Variants in HOOK2 observed in about 807,000 individuals in gnomAD.
HOOK2 encodes protein Hook homolog 2.
In HOOK2, 108 loss-of-function variants were observed where a neutral mutation model predicts 111.9. The observed-to-expected ratio is 0.96, with a 90% CI of 0.83 to 1.13. The LOEUF (loss-of-function observed/expected upper bound fraction) is 1.13, where lower values mean the gene tolerates loss of function less well. Among genes scored for constraint, HOOK2 ranks in the 50% most tolerant of loss-of-function variants. HOOK2 has a pLI of 0.00. For synonymous variants in HOOK2, 405 were observed against 394.3 expected, an observed-to-expected ratio of 1.03 and a Z score of -0.32; for missense variants, 978 against 951.3, an observed-to-expected ratio of 1.03 and a Z score of -0.37.
upstream of HOOK2, among the ~76,000 whole-genome samples, chr19:12,776,410 G>C (rs1404034109): frequency 6.6e-6 from 1 of 151,734 alleles, no homozygotes; most frequent in East Asian, 2.0e-4. Flanking sequence ...CCCAGGTAGC[G>C]GTGGCTCACG....
chr19:12,763,767 G>A lies in HOOK2; in HGVS notation c.1839C>T (p.Thr613=). 2 of 1,614,024 alleles carry A rather than the reference G, an allele frequency of 1.2e-6. No individual in the cohort carries two copies. Among genetic ancestry groups the A allele is most frequent in the Non-Finnish European group, 8.5e-7 (1 of 1,179,910 alleles). ...CAGCTGGCCGCTGCTTGGGTTCCAT[G>A]GTCTGCATGACCTACAGGTTGAGGA... ...YVDKARMVMQ[T]MEPKQRPAAG... The change falls in exon 21 of 23, where the codon ACC becomes ACT. Residue 613 remains threonine, a synonymous_variant. Transcript: ENST00000397668.
intron 7 of HOOK2, 23 bp from the exon 8 acceptor site, chr19:12,771,500 G>A: frequency 1.3e-6 from 2 of 1,594,848 alleles, no homozygotes; most frequent in South Asian, 2.3e-5. Flanking sequence ...GGGGGAAGAG[G>A]AACTCAGGGA....
chr19:12,767,525 C>A, intron 13 of HOOK2, 61 bp from the exon 14 acceptor site: 1 of 1,378,980 alleles, frequency 7.3e-7, no homozygotes, highest in South Asian at 1.2e-5. Flanking sequence ...CCCCTAGGGT[C>A]TTCTTCCCAA....
At chr19:12,767,952 G>T (rs1405537608) in intron 12 of HOOK2, 49 bp from the exon 13 acceptor site, 1 of 1,610,438 alleles carries the variant, frequency 6.2e-7, no homozygotes, top group Admixed American at 1.7e-5. Context: ...TCGGCCTCCT[G>T]GGAAATGGGC....
At chr19:12,773,204 C>T (rs1968388271) in intron 3 of HOOK2, 160 bp from the exon 4 acceptor site, 4 of 575,042 alleles carry the variant, frequency 7.0e-6, no homozygotes, top group South Asian at 4.5e-5. Flanking sequence ...CTGTCTGCCC[C>T]TTTTGTCTGC....
chr19:12,779,851 C>T (rs115793112), upstream of HOOK2, among the ~76,000 whole-genome samples: 2,705 of 152,236 alleles, frequency 0.018, 85 homozygotes, highest in African/African-American at 0.062. Context: ...CATCCTTGTC[C>T]GTAACATCCA....
At chr19:12,779,836 G>GGTAACATCCTTGTCC (rs1475412493), upstream of HOOK2, among the ~76,000 whole-genome samples, 1 of 152,178 alleles carries the variant, frequency 6.6e-6, no homozygotes, top group Non-Finnish European at 1.5e-5. Flanking sequence ...CATCCTTGTC[G>GGTAACATCCTTGTCC]GTAACATCCT....
intron 3 of HOOK2, 197 bp from the exon 4 acceptor site, chr19:12,773,241 T>TTTTTTTTTTTTTTTG: frequency 1.8e-6 from 1 of 546,318 alleles, no homozygotes; most frequent in Non-Finnish European, 3.2e-6. Flanking sequence ...CTTTTTTTTT[T>TTTTTTTTTTTTTTTG]TTTTTTTTTT....
chr19:12,767,547 T>G, intron 13 of HOOK2, 83 bp from the exon 14 acceptor site: 2 of 1,212,190 alleles, frequency 1.6e-6, no homozygotes, highest in Non-Finnish European at 2.4e-6. Context: ...GATCATCTTT[T>G]GGGGCTTCAA....
At chr19:12,787,639 C>T (rs369361913) in intron 3 of HOOK2, among the ~76,000 whole-genome samples, 1 of 150,454 alleles carries the variant, frequency 6.6e-6, no homozygotes, top group East Asian at 2.0e-4. Flanking sequence ...CTCAAAAAAA[C>T]AAAACAAAAC....
intron 3 of HOOK2, 48 bp downstream of exon 3, chr19:12,774,621 G>C: frequency 6.3e-7 from 1 of 1,587,614 alleles, no homozygotes; most frequent in South Asian, 1.1e-5. Flanking sequence ...GCCCGTCCCT[G>C]GTCATCTCTT....
Position 12,763,555 on chromosome 19 carries a change from C to T in HOOK2, c.1983G>A (p.Lys661=), listed in dbSNP as rs373304494. 6.2e-7 allele frequency: 1 copy of T among 1,614,108 alleles called. No individual in the cohort carries two copies. Among genetic ancestry groups the T allele is most frequent in the Admixed American group, 1.7e-5 (1 of 60,006 alleles). The change falls in exon 22 of 23, where the codon AAG becomes AAA. Residue 661 remains lysine, a synonymous_variant. Coordinates refer to ENST00000397668, the MANE Select transcript of HOOK2 (RefSeq NM_013312.3). ...TATTATACCAGGCACTGATGAGCAG[C>T]TTTTCTTCCTGCTCCCGCTGACTTC... ...KSRSQREQEE[K]LLISAWYNMG...
rs201762213 is a variant in HOOK2, at chr19:12,765,839, A to G, written c.1600-5T>C. Reference sequence around the variant, plus strand: ...GCCCATGGTACTTACAATGGCCTGTATGGGGCATCGGGCAGCATGGGAGAG... The same window carrying G: ...GCCCATGGTACTTACAATGGCCTGTGTGGGGCATCGGGCAGCATGGGAGAG... On this transcript the variant is annotated splice_region_variant and splice_polypyrimidine_tract_variant and intron_variant, in intron 16 of 22. Coordinates refer to ENST00000397668, the MANE Select transcript of HOOK2 (RefSeq NM_013312.3). The G allele has an allele frequency of 4.8e-5, 77 of 1,611,170 alleles. No individual in the cohort carries two copies. Among genetic ancestry groups the G allele is most frequent in the Admixed American group, 1.7e-5 (1 of 59,948 alleles).
At position 12,775,489 on chromosome 19, in the gene HOOK2, C is replaced by G. The variant is rs749834501; in HGVS notation, c.-40G>C. ...TTCAATCCAGGCCACGGAGCCCCGGCGCCGCAGCAGCCTCCGGGTCCGCCA... is the reference window on the plus strand; with the variant it reads ...TTCAATCCAGGCCACGGAGCCCCGGGGCCGCAGCAGCCTCCGGGTCCGCCA... On this transcript the variant is annotated 5_prime_UTR_variant, in exon 1 of 23. Coordinates refer to ENST00000397668, the MANE Select transcript of HOOK2 (RefSeq NM_013312.3). 1 of 1,592,858 alleles carries G rather than the reference C, an allele frequency of 6.3e-7. No individual in the cohort carries two copies. Among genetic ancestry groups the G allele is most frequent in the South Asian group, 1.1e-5 (1 of 88,588 alleles).
Position 12,770,916 on chromosome 19 carries a change from G to T in HOOK2, c.902+16C>A. The T allele has an allele frequency of 1.3e-6, 2 of 1,586,524 alleles. No individual in the cohort carries two copies. The highest frequency in any genetic ancestry group is 8.6e-7 in the Non-Finnish European group (1 of 1,160,028). On this transcript the variant is annotated intron_variant, in intron 10 of 22. Transcript: ENST00000397668. The stretch of plus-strand genomic sequence containing the variant: ...CCCCGCCCCCCGTGATGGGGACCCA[G>T]GAACCCACCACTCACCGTAGTTCAT...
Position 12,774,713 on chromosome 19 carries a change from G to T in HOOK2, c.160C>A (p.Leu54Ile), listed in dbSNP as rs773875377. Residue 54 changes from leucine to isoleucine, a missense_variant, in exon 3 of 23, where the codon CTC becomes ATC. Leu to Ile is a conservative substitution (Grantham distance 5, BLOSUM62 2). Around this residue, in one of 5 missense-constraint regions of HOOK2, gnomAD observed 301 missense variants for 286.1 expected, o/e 1.05. Coordinates refer to ENST00000397668, the MANE Select transcript of HOOK2 (RefSeq NM_013312.3). ...IDPSWFNEAW[L>I]QGISEDPGPN... ...CCTGGATCTTCCGAGATGCCCTGGA[G>T]CCATGCCTCGTTGAACCAGGAGGGG... The T allele has an allele frequency of 3.1e-6, 5 of 1,614,174 alleles. No homozygotes were observed. Among genetic ancestry groups the T allele is most frequent in the Non-Finnish European group, 4.2e-6 (5 of 1,180,024 alleles).
At chr19:12,781,976 C>A (rs1374120816), upstream of HOOK2, among the ~76,000 whole-genome samples, 1 of 151,984 alleles carries the variant, frequency 6.6e-6, no homozygotes, top group Non-Finnish European at 1.5e-5. Flanking sequence ...ATACCTGGGA[C>A]TATAGACACG....
At chr19:12,783,840 C>G (rs1049190114) in intron 3 of HOOK2, among the ~76,000 whole-genome samples, 1 of 152,200 alleles carries the variant, frequency 6.6e-6, no homozygotes, top group Admixed American at 6.5e-5. Flanking sequence ...GAGTCCTTGC[C>G]GGGCAGGCCA....
intron 11 of HOOK2, among the ~76,000 whole-genome samples, chr19:12,769,551 G>A (rs895413313): frequency 7.9e-5 from 12 of 152,314 alleles, no homozygotes; most frequent in Middle Eastern, 3.4e-3. Flanking sequence ...GCCTCCCAAA[G>A]CGCTGGGATA....
Sources: gnomAD v4.1 joint callset for allele counts (sites outside exome capture counted in the v4.1 genomes callset) on GRCh38, gnomAD v4.1.1 for gene constraint, gnomAD v4.1.1 regional missense constraint, MANE v1.5 for transcripts, NCBI Gene and HGNC (gene_info 2026-07-23, HGNC 2026-07-21) for gene names.